Variants in MAP1LC3A observed in about 807,000 individuals in gnomAD.
MAP1LC3A encodes microtubule-associated protein 1 light chain 3 alpha.
MAP1LC3A carries 10 observed loss-of-function variants against 15.2 expected under a neutral mutation model. That is an observed-to-expected ratio of 0.66 (90% CI 0.41 to 1.12). MAP1LC3A has a LOEUF of 1.12. MAP1LC3A is among the 50% of genes most tolerant of loss of function. MAP1LC3A has a pLI of 0.00. For synonymous variants in MAP1LC3A, 63 were observed against 64.3 expected, an observed-to-expected ratio of 0.98 and a Z score of 0.10; for missense variants, 138 against 167.3, an observed-to-expected ratio of 0.82 and a Z score of 0.97.
In MAP1LC3A at chr20:34,558,785, G is replaced by GCGCGGAGCC; in HGVS notation, c.-82_-74dup. On this transcript the variant is annotated 5_prime_UTR_variant, in exon 1 of 4. Transcript: ENST00000360668. This position sits in a 1 kb window ranked among gnomAD's most constrained non-coding sequence, Gnocchi z 4.3. ...GAGCCCCGGAGCCCTTGAGCGCGAG[G>GCGCGGAGCC]CGCGGAGCCCCCGGAGCCCCCAAAC... The GCGCGGAGCC allele has an allele frequency of 7.4e-7, 1 of 1,354,926 alleles. No individual in the cohort carries two copies. Among genetic ancestry groups the GCGCGGAGCC allele is most frequent in the Non-Finnish European group, 9.4e-7 (1 of 1,063,070 alleles). 83.9% of individuals were successfully genotyped at this position (1,354,926 alleles called of 1,614,324 possible). A position where few individuals can be genotyped will look rare whatever the true frequency, so the allele number is the denominator to read the frequency against.
In MAP1LC3A at chr20:34,559,353, A is replaced by C; in HGVS notation, c.103A>C (p.Ile35Leu). 6.3e-7 allele frequency: 1 copy of C among 1,596,962 alleles called. No individual in the cohort carries two copies. The highest frequency in any genetic ancestry group is 1.4e-5 in the African/African-American group (1 of 72,846). The change falls in exon 3 of 4, where the codon ATC becomes CTC. Residue 35 changes from isoleucine to leucine, a missense_variant. Transcript: ENST00000360668. ...CCGCCCGCCCTGCTCCCAGGTGATCATCGAGCGCTACAAGGGTGAGAAGCA... is the reference window on the plus strand; with the variant it reads ...CCGCCCGCCCTGCTCCCAGGTGATCCTCGAGCGCTACAAGGGTGAGAAGCA... ...DQHPSKIPVIIERYKGEKQLP... is the reference protein window; with the variant it reads ...DQHPSKIPVILERYKGEKQLP...
chr20:34,559,403 G>GTT lies in MAP1LC3A; in HGVS notation c.157_158dup (p.Leu53PhefsTer9), dbSNP rs768727167. On this transcript the variant is annotated frameshift_variant, in exon 3 of 4. Transcript: ENST00000360668. LOFTEE classifies it high-confidence loss of function. ...AGCTGCCCGTCCTGGACAAGACCAA[G>GTT]TTTTTGGTCCCGGACCATGTCAACA... 24 of 1,605,056 alleles carry GTT rather than the reference G, an allele frequency of 1.5e-5. No individual in the cohort carries two copies. The highest frequency in any genetic ancestry group is 2.0e-5 in the Non-Finnish European group (24 of 1,175,008).
In MAP1LC3A at chr20:34,559,965, T is replaced by C. The variant is rs1982381711; in HGVS notation, c.*67T>C. The C allele has an allele frequency of 2.6e-6, 4 of 1,526,532 alleles. No individual in the cohort carries two copies. In the Admixed American group the frequency reaches 8.1e-5, roughly 31 times the overall value. 94.6% of individuals were successfully genotyped at this position (1,526,532 alleles called of 1,614,324 possible). A position where few individuals can be genotyped will look rare whatever the true frequency, so the allele number is the denominator to read the frequency against. ...GGTCAGGCCCTGCCCAGAGAGCTCC[T>C]GGTTCCTGAACTGAGCTGCCTCTAC... On this transcript the variant is annotated 3_prime_UTR_variant, in exon 4 of 4. Coordinates refer to ENST00000360668, the MANE Select transcript of MAP1LC3A (RefSeq NM_032514.4).
Position 34,559,252 on chromosome 20 carries a change from A to C in MAP1LC3A, c.85A>C (p.Ser29Arg), listed in dbSNP as rs759787630. 6.2e-7 allele frequency: 1 copy of C among 1,605,456 alleles called. No individual in the cohort carries two copies. The highest frequency in any genetic ancestry group is 1.3e-5 in the African/African-American group (1 of 74,718). Residue 29 changes from serine (S) to arginine (R), a missense_variant, in exon 2 of 4, where the codon AGC (serine) becomes CGC (arginine). Transcript: ENST00000360668. ...EVQQIRDQHP[S>R]KIPVIIERYK... The stretch of plus-strand genomic sequence containing the variant: ...ACAGCAGATCCGCGACCAGCACCCC[A>C]GCAAAATCCCGGTGAGTCCCGCACC...
intron 1 of MAP1LC3A, 33 bp from the exon 2 acceptor site, chr20:34,559,175 G>C: frequency 6.5e-7 from 1 of 1,541,042 alleles, no homozygotes; most frequent in Non-Finnish European, 8.7e-7. Context: ...GGGCCGGCCC[G>C]ACCCGGCCTC....
chr20:34,555,149 T>TA (rs1371593441), upstream of MAP1LC3A, among the ~76,000 whole-genome samples: 1 of 148,100 alleles, frequency 6.8e-6, no homozygotes, highest in East Asian at 1.9e-4. Flanking sequence ...ATTTTCTTAT[T>TA]TTTTTTTTTT....
chr20:34,554,375 T>G (rs922490707), upstream of MAP1LC3A, among the ~76,000 whole-genome samples: 5 of 39,906 alleles, frequency 1.3e-4, no homozygotes, highest in African/African-American at 3.8e-4. Flanking sequence ...TTTTTTTTTT[T>G]TTTTTTTTTT....
intron 2 of MAP1LC3A, chr20:34,550,055 G>A: frequency 6.2e-7 from 1 of 1,612,124 alleles, no homozygotes; most frequent in Non-Finnish European, 8.5e-7. Context: ...CTGCCGTTGT[G>A]TGAAGGAGCT....
chr20:34,560,172 G>C lies in MAP1LC3A; in HGVS notation c.*274G>C. On this transcript the variant is annotated 3_prime_UTR_variant, in exon 4 of 4. Transcript: ENST00000360668. ...GCTGTGTGGTTCATCTTTTTTTTAG[G>C]CCCCTGCCTGTCTGCCCATCTGCCC... 1 of 322,814 alleles carries C rather than the reference G, an allele frequency of 3.1e-6. No homozygotes were observed. The highest frequency in any genetic ancestry group is 5.6e-6 in the Non-Finnish European group (1 of 178,668). The allele number at this position is 322,814 out of a possible 1,614,324, so 20.0% of individuals were successfully genotyped here. A position where few individuals can be genotyped will look rare whatever the true frequency, so the allele number is the denominator to read the frequency against.
At chr20:34,549,111 C>T (rs1293828916) in intron 1 of MAP1LC3A, among the ~76,000 whole-genome samples, 3 of 152,190 alleles carry the variant, frequency 2.0e-5, no homozygotes, top group Admixed American at 6.5e-5. Flanking sequence ...CTGCAACCTC[C>T]GCCTCCCGGG....
chr20:34,548,489 T>G (rs1936839354), intron 1 of MAP1LC3A, among the ~76,000 whole-genome samples: 1 of 127,586 alleles, frequency 7.8e-6, no homozygotes, highest in Admixed American at 9.6e-5. Flanking sequence ...CGCCCCTGGC[T>G]CAAGAGGAGG....
chr20:34,554,472 C>T (rs1037774125), upstream of MAP1LC3A, among the ~76,000 whole-genome samples: 4 of 147,752 alleles, frequency 2.7e-5, no homozygotes, highest in Non-Finnish European at 5.9e-5. Context: ...CTCCCAGGTT[C>T]AAGTGATTCT....
intron 2 of MAP1LC3A, among the ~76,000 whole-genome samples, chr20:34,551,674 C>T (rs1351011686): frequency 6.6e-6 from 1 of 151,896 alleles, no homozygotes; most frequent in African/African-American, 2.4e-5. Context: ...ACCATGTTGG[C>T]CAGGCTGGTC....
intron 2 of MAP1LC3A, chr20:34,550,098 T>C: frequency 2.0e-6 from 3 of 1,502,824 alleles, no homozygotes; most frequent in Non-Finnish European, 2.8e-6. Context: ...CTCGCGGTCA[T>C]CAGTGGCCAA....
intron 2 of MAP1LC3A, among the ~76,000 whole-genome samples, chr20:34,550,586 A>G (rs1981911129): frequency 2.0e-5 from 3 of 152,186 alleles, no homozygotes; most frequent in African/African-American, 7.2e-5. Flanking sequence ...ACAGTGAGAT[A>G]CCACTACACA....
At position 34,559,816 on chromosome 20, in the gene MAP1LC3A, T is replaced by C; in HGVS notation, c.284T>C (p.Ile95Thr). Residue 95 changes from isoleucine to threonine, a missense_variant, in exon 4 of 4, where the codon ATC becomes ACC. Physicochemically the swap from Ile to Thr is moderately conservative, Grantham distance 89 (BLOSUM62 -1). Transcript: ENST00000360668. ...QHSMVSVSTP[I>T]ADIYEQEKDE... ...AGCATGGTGAGTGTGTCCACGCCCA[T>C]CGCGGACATCTACGAGCAGGAGAAA... 1.9e-6 allele frequency: 3 copies of C among 1,610,566 alleles called. No homozygotes were observed. Among genetic ancestry groups the C allele is most frequent in the Non-Finnish European group, 2.5e-6 (3 of 1,177,992 alleles).
rs114842186 is a variant in MAP1LC3A at position 34,553,149 on chromosome 20, G to A, written c.52+3120G>A. On this transcript the variant is annotated intron_variant, in intron 2 of 4. Coordinates refer to the MAP1LC3A transcript ENST00000374837. ...GGTTGCGGTACGCCAATATTGTGCC[G>A]TTGCACTCCCTACCTAGGTGACGAG... is the stretch of plus-strand genomic sequence containing the variant. Among the ~76,000 whole-genome samples the A allele has an allele frequency of 8.2e-3, 1,246 of 152,172 alleles. 22 individuals carry two copies. Among genetic ancestry groups the A allele is most frequent in the African/African-American group, 0.029 (1,190 of 41,520 alleles).
upstream of MAP1LC3A, chr20:34,558,570 C>T: frequency 8.5e-7 from 1 of 1,182,710 alleles, no homozygotes. The surrounding 1 kb of genome is among the most constrained non-coding windows in gnomAD (Gnocchi z 4.3). Context: ...TGTGACGCGC[C>T]CAGAAGCCCC....
upstream of MAP1LC3A, chr20:34,558,084 GT>G (rs1428758743): frequency 1.0e-6 from 1 of 985,352 alleles, no homozygotes; most frequent in Non-Finnish European, 1.2e-6. This position sits in a 1 kb window ranked among gnomAD's most constrained non-coding sequence, Gnocchi z 4.3. Flanking sequence ...TTCTCCTGGC[GT>G]TGCCATCTGT....
Sources: gnomAD v4.1 joint callset for allele counts (sites outside exome capture counted in the v4.1 genomes callset) on GRCh38, gnomAD v4.1.1 for gene constraint, Gnocchi (gnomAD v3.1) non-coding constraint, MANE v1.5 for transcripts, NCBI Gene and HGNC (gene_info 2026-07-23, HGNC 2026-07-21) for gene names.